Variants in TRPM5 observed in about 807,000 individuals in gnomAD.
The protein encoded by TRPM5 is transient receptor potential cation channel subfamily M member 5.
TRPM5 carries 121 observed loss-of-function variants against 124.9 expected under a neutral mutation model. The observed-to-expected ratio is 0.97, with a 90% confidence interval of 0.84 to 1.13. The LOEUF (loss-of-function observed/expected upper bound fraction) is 1.13. Ranked by LOEUF, TRPM5 falls within the 50% of genes most tolerant of loss-of-function variation. The probability of loss-of-function intolerance (pLI) is 0.00; values close to 1 mark genes in which losing one functional copy is unlikely to be tolerated. For missense variants in TRPM5, 1,643 were observed against 1,589.1 expected (o/e 1.03, Z -0.58); for synonymous variants, 781 against 700.5 (o/e 1.11, Z -1.81).
At chr11:2,420,756 C>T (rs1313273677) in intron 3 of TRPM5, among the ~76,000 whole-genome samples, 2 of 152,222 alleles carry the variant, frequency 1.3e-5, no homozygotes, top group African/African-American at 4.8e-5. Context: ...TAGACAGACC[C>T]CAGCATGGGG....
chr11:2,417,715 GCC>G lies in TRPM5; in HGVS notation c.1009+10_1009+11del. 1 of 470,352 alleles carries G rather than the reference GCC, an allele frequency of 2.1e-6. No homozygotes were observed. The highest frequency in any genetic ancestry group is 2.3e-5 in the African/African-American group (1 of 43,394). 29.1% of individuals were successfully genotyped at this position (470,352 alleles called of 1,614,324 possible). ...CAATGGCGCCTGCCTTGCCCACCCT[GCC>G]CGCCCTCACCTTTCACCAGCGCCTT... On this transcript the variant is annotated intron_variant, in intron 7 of 23. Coordinates refer to ENST00000155858, the Ensembl canonical transcript of TRPM5.
At chr11:2,423,711 G>A (rs764055989), upstream of TRPM5, among the ~76,000 whole-genome samples, 42 of 152,334 alleles carry the variant, frequency 2.8e-4, no homozygotes, top group African/African-American at 4.3e-4. Context: ...AAGAGGCCGC[G>A]TGCGCCTCAG....
At chr11:2,418,208 T>G (rs374501266) in exon 6 of TRPM5, 5 of 1,584,234 alleles carry the variant, frequency 3.2e-6, no homozygotes, top group Non-Finnish European at 4.3e-6. Context: ...GAGAAATGCT[T>G]GCTGGGGAAC....
exon 7 of TRPM5, chr11:2,417,784 A>G: frequency 6.3e-7 from 1 of 1,598,284 alleles, no homozygotes; most frequent in Non-Finnish European, 8.5e-7. Context: ...TCCTGCTCGA[A>G]GTCATACACG....
At chr11:2,409,826 A>G (rs1850407598) in intron 18 of TRPM5, among the ~76,000 whole-genome samples, 1 of 152,064 alleles carries the variant, frequency 6.6e-6, no homozygotes, top group Admixed American at 6.5e-5. Flanking sequence ...GGGCTCTGAG[A>G]TCCCCGCAGC....
intron 13 of TRPM5, 109 bp downstream of exon 18, chr11:2,413,367 G>A: frequency 1.5e-6 from 2 of 1,306,910 alleles, no homozygotes; most frequent in Non-Finnish European, 1.0e-6. Flanking sequence ...GGACTTGGGG[G>A]CTACAGAGTC....
intron 12 of TRPM5, 47 bp downstream of exon 17, chr11:2,414,014 C>CCCCCCCCCCCCCCCCCCCCCCCA: frequency 3.8e-6 from 2 of 533,204 alleles, no homozygotes; most frequent in Non-Finnish European, 6.9e-6. Flanking sequence ...AGCTCGCCCG[C>CCCCCCCCCCCCCCCCCCCCCCCA]CCACCCCACC....
At chr11:2,415,957 G>T (rs1468070844) in exon 8 of TRPM5, 5 of 1,581,806 alleles carry the variant, frequency 3.2e-6, no homozygotes, top group Non-Finnish European at 4.3e-6. Context: ...TGTCCACGCG[G>T]TCCCAGGCCA....
chr11:2,413,928 C>T (rs1850508862), intron 12 of TRPM5, 133 bp downstream of exon 17: 1 of 1,287,986 alleles, frequency 7.8e-7, no homozygotes, highest in Non-Finnish European at 1.1e-6. Flanking sequence ...AACAGAAGCC[C>T]CACCCCGCCC....
In TRPM5 at chr11:2,418,604, C is replaced by T. The variant is rs561658083; in HGVS notation, c.650-13G>A. On this transcript the variant is annotated splice_polypyrimidine_tract_variant and intron_variant, in intron 4 of 23. Coordinates refer to ENST00000155858, the Ensembl canonical transcript of TRPM5. ...ATGCTGCCAGTGCCTGTGGACAGGG[C>T]ACCCGTGAGGCCTGAGGACCCTCCG... The T allele has an allele frequency of 1.9e-6, 3 of 1,608,618 alleles. No individual in the cohort carries two copies. The highest frequency in any genetic ancestry group is 2.2e-5 in the East Asian group (1 of 44,680).
At chr11:2,415,137 C>A in exon 9 of TRPM5, 1 of 1,569,888 alleles carries the variant, frequency 6.4e-7, no homozygotes, top group South Asian at 1.1e-5. Context: ...CCTGCGGTCC[C>A]CTGGCCGGCC....
At chr11:2,406,536 A>G in intron 21 of TRPM5, 125 bp downstream of exon 26, 1 of 1,326,486 alleles carries the variant, frequency 7.5e-7, no homozygotes, top group Non-Finnish European at 1.0e-6. Flanking sequence ...GGGCTCGGCC[A>G]GAGCCCTGCC....
chr11:2,405,886 A>G, intron 22 of TRPM5, 133 bp downstream of exon 27: 2 of 840,002 alleles, frequency 2.4e-6, no homozygotes, highest in Non-Finnish European at 1.9e-6. Context: ...TCCTCTGCCC[A>G]CTGGGGTGCT....
At chr11:2,405,382 T>C in intron 23 of TRPM5, 145 bp downstream of exon 28, 2 of 842,350 alleles carry the variant, frequency 2.4e-6, no homozygotes, top group Non-Finnish European at 3.7e-6. Context: ...CACACCACCC[T>C]GAAGAGCCGC....
exon 16 of TRPM5, chr11:2,412,215 C>T: frequency 6.2e-7 from 1 of 1,613,560 alleles, no homozygotes; most frequent in South Asian, 1.1e-5. Flanking sequence ...ACAGTGTGAA[C>T]TTCTTCACCA....
chr11:2,414,009 G>GGGGGGCGGCCCCCCCC, intron 12 of TRPM5, 52 bp downstream of exon 17: 1 of 1,023,734 alleles, frequency 9.8e-7, no homozygotes, highest in East Asian at 2.8e-5. Flanking sequence ...GGCCCAGCTC[G>GGGGGGCGGCCCCCCCC]CCCGCCCACC....
At chr11:2,430,719 GTTTTGGTGGCGGTGATGGTGA>G in the TRPM5 span, among the ~76,000 whole-genome samples, 1 of 146,964 alleles carries the variant, frequency 6.8e-6, no homozygotes, top group African/African-American at 2.6e-5. Flanking sequence ...GTTGGTGGTG[GTTTTGGTGGCGGTGATGGTGA>G]TGGTGTTGGT....
exon 11 of TRPM5, chr11:2,414,720 G>T (rs763875217): frequency 2.6e-6 from 4 of 1,538,724 alleles, no homozygotes; most frequent in Middle Eastern, 2.0e-4. Flanking sequence ...CTCACCAAGG[G>T]CCAGCCGCTC....
upstream of TRPM5, among the ~76,000 whole-genome samples, chr11:2,423,675 G>A (rs1043962797): frequency 6.6e-6 from 1 of 152,160 alleles, no homozygotes; most frequent in Admixed American, 6.5e-5. Context: ...TTCCCGTGGC[G>A]CTCCCACATC....
Sources: allele counts gnomAD v4.1 joint callset (sites outside exome capture counted in the v4.1 genomes callset), GRCh38; gene constraint gnomAD v4.1.1; transcripts MANE v1.5; gene names NCBI Gene and HGNC (gene_info 2026-07-23, HGNC 2026-07-21).